The following AFP variants were observed in gnomAD, a reference collection of about 807,000 sequenced individuals.
The protein encoded by AFP is alpha-fetoprotein.
A neutral mutation model predicts 78.9 loss-of-function variants in AFP; 64 were observed. That is an observed-to-expected ratio of 0.81 (90% CI 0.66 to 1.00). The LOEUF is 1.00. AFP is among the 50% of genes least tolerant of loss of function. AFP has a pLI of 0.00. For synonymous variants in AFP, 254 were observed against 243.8 expected, an observed-to-expected ratio of 1.04 and a Z score of -0.39; for missense variants, 689 against 703.8, an observed-to-expected ratio of 0.98 and a Z score of 0.24.
intron 3 of AFP, 123 bp downstream of exon 3, chr4:73,438,429 G>A: frequency 8.8e-7 from 1 of 1,135,828 alleles, no homozygotes; most frequent in East Asian, 2.6e-5. Flanking sequence ...GTATGAAAGA[G>A]GGATTAGATT....
At position 73,440,776 on chromosome 4, in the gene AFP, G is replaced by A. The variant is rs1719637549; in HGVS notation, c.445G>A (p.Glu149Lys). ...AGTTCCAGAACCTGTCACAAGCTGT[G>A]AAGCATATGAAGAAGACAGGGAGAC... ...FQVPEPVTSC[E>K]AYEEDRETFM... is the part of the protein sequence containing the mutation. The change falls in exon 4 of 15, where the codon GAA becomes AAA. Residue 149 changes from glutamate to lysine, a missense_variant. Physicochemically the swap from Glu to Lys is moderately conservative, Grantham distance 56. Coordinates refer to ENST00000395792, the MANE Select transcript of AFP (RefSeq NM_001134.3). 6.2e-7 allele frequency: 1 copy of A among 1,614,008 alleles called. No individual in the cohort carries two copies. Among genetic ancestry groups the A allele is most frequent in the Non-Finnish European group, 8.5e-7 (1 of 1,180,014 alleles).
chr4:73,437,103 A>G, intron 1 of AFP, 57 bp from the exon 2 acceptor site: 1 of 1,281,648 alleles, frequency 7.8e-7, no homozygotes, highest in Non-Finnish European at 1.1e-6. Context: ...TGTAACAATG[A>G]TTACTTTCTT....
chr4:73,438,599 T>C (rs1719577858), intron 3 of AFP, among the ~76,000 whole-genome samples: 1 of 152,110 alleles, frequency 6.6e-6, no homozygotes, highest in South Asian at 2.1e-4. Flanking sequence ...ATCTGTAAAA[T>C]AAGGGATGAT....
intron 5 of AFP, among the ~76,000 whole-genome samples, chr4:73,442,765 A>C (rs1719706759): frequency 2.6e-5 from 3 of 117,102 alleles, no homozygotes; most frequent in Admixed American, 1.9e-4. Flanking sequence ...AGGAGAGAGA[A>C]AAAATGAAGA....
chr4:73,442,702 G>A (rs1442735401), intron 5 of AFP, among the ~76,000 whole-genome samples: 1 of 152,122 alleles, frequency 6.6e-6, no homozygotes, highest in African/African-American at 2.4e-5. Flanking sequence ...GAAAGAGAGG[G>A]TGCTATAAAT....
intron 4 of AFP, 102 bp from the exon 5 acceptor site, chr4:73,442,194 G>C: frequency 1.7e-6 from 2 of 1,159,256 alleles, no homozygotes; most frequent in Non-Finnish European, 2.5e-6. Flanking sequence ...TTTTGTTGTT[G>C]TTGTTTTTGA....
At position 73,436,350 on chromosome 4, in the gene AFP, G is replaced by T. The variant is rs750417722; in HGVS notation, c.85+3G>T. 1.3e-6 allele frequency: 2 copies of T among 1,544,680 alleles called. No individual in the cohort carries two copies. Among genetic ancestry groups the T allele is most frequent in the Non-Finnish European group, 1.8e-6 (2 of 1,129,884 alleles). ...GCATAGAAATGAATATGGAATAGGT[G>T]AGATATTTTGTGTTTTTCTTGTCTT... On this transcript the variant is annotated splice_donor_region_variant and intron_variant, in intron 1 of 14. Coordinates refer to ENST00000395792, the MANE Select transcript of AFP (RefSeq NM_001134.3).
At chr4:73,438,027 CTAATTTTACA>C in intron 2 of AFP, 137 bp from the exon 3 acceptor site, 1 of 1,169,118 alleles carries the variant, frequency 8.6e-7, no homozygotes, top group Non-Finnish European at 1.2e-6. Context: ...GACCTGGAAG[CTAATTTTACA>C]TAATTTTACA....
chr4:73,440,758 G>A lies in AFP; in HGVS notation c.427G>A (p.Glu143Lys). The A allele has an allele frequency of 6.2e-7, 1 of 1,614,116 alleles. No homozygotes were observed. Among genetic ancestry groups the A allele is most frequent in the Non-Finnish European group, 8.5e-7 (1 of 1,180,020 alleles). The change falls in exon 4 of 15, where the codon GAA becomes AAA. Residue 143 changes from glutamate (E) to lysine (K), a missense_variant. Glu to Lys is a moderately conservative substitution (Grantham distance 56, BLOSUM62 1). Coordinates refer to ENST00000395792, the MANE Select transcript of AFP (RefSeq NM_001134.3). ...ATCGATCCCACTTTTCCAAGTTCCA[G>A]AACCTGTCACAAGCTGTGAAGCATA... The part of the protein sequence containing the change: ...PASIPLFQVP[E>K]PVTSCEAYEE...
At chr4:73,437,349 G>A (rs946257199) in intron 2 of AFP, 138 bp downstream of exon 2, 1 of 684,156 alleles carries the variant, frequency 1.5e-6, no homozygotes, top group Non-Finnish European at 2.6e-6. Flanking sequence ...TACTCATACT[G>A]AATATCAACT....
chr4:73,455,444 G>T, intron 14 of AFP, 154 bp downstream of exon 14: 1 of 687,988 alleles, frequency 1.5e-6, no homozygotes, highest in South Asian at 1.7e-5. Context: ...ACAAAATTAC[G>T]CACACAATGT....
In AFP at chr4:73,447,519, G is replaced by A. The variant is rs761922000; in HGVS notation, c.901G>A (p.Glu301Lys). The A allele has an allele frequency of 1.9e-6, 3 of 1,612,252 alleles. No homozygotes were observed. In the South Asian group the frequency reaches 3.3e-5, roughly 18 times the overall value. ...AGACACTCTGTCAAACAAAATAACAGAATGCTGCAAACTGACCACGCTGGA... is the reference window on the plus strand; with the variant it reads ...AGACACTCTGTCAAACAAAATAACAAAATGCTGCAAACTGACCACGCTGGA... The part of the protein sequence containing the change: ...QQDTLSNKIT[E>K]CCKLTTLERG... The change falls in exon 8 of 15, where the codon GAA becomes AAA. Residue 301 changes from glutamate to lysine, a missense_variant. Coordinates refer to ENST00000395792, the MANE Select transcript of AFP (RefSeq NM_001134.3).
At chr4:73,452,685 T>C (rs1720039221) in intron 12 of AFP, 61 bp downstream of exon 12, 6 of 1,326,838 alleles carry the variant, frequency 4.5e-6, no homozygotes, top group African/African-American at 4.3e-5. Flanking sequence ...TAACTGAGAC[T>C]TCTACCTCGC....
At chr4:73,444,711 G>A (rs1175702284) in intron 6 of AFP, among the ~76,000 whole-genome samples, 1 of 152,082 alleles carries the variant, frequency 6.6e-6, no homozygotes, top group Non-Finnish European at 1.5e-5. Flanking sequence ...CAGCATAAGG[G>A]TTGAATGGCA....
chr4:73,452,575 A>G lies in AFP; in HGVS notation c.1603A>G (p.Lys535Glu), dbSNP rs191136122. The G allele has an allele frequency of 6.2e-7, 1 of 1,614,008 alleles. No homozygotes were observed. The highest frequency in any genetic ancestry group is 2.2e-5 in the East Asian group (1 of 44,880). ...CTCTGATGACAAGTTCATTTTCCAT[A>G]AGGATCTGTGCCAAGCTCAGGGTGT... ...AFSDDKFIFH[K>E]DLCQAQGVAL... Residue 535 changes from lysine to glutamate, a missense_variant, in exon 12 of 15, where the codon AAG (lysine) becomes GAG (glutamate). Physicochemically the swap from Lys to Glu is moderately conservative, Grantham distance 56. Transcript: ENST00000395792.
chr4:73,437,283 G>A, intron 2 of AFP, 72 bp downstream of exon 2: 4 of 1,291,640 alleles, frequency 3.1e-6, no homozygotes, highest in Non-Finnish European at 4.5e-6. Context: ...ATAAAATTGG[G>A]TACCCCTGTG....
chr4:73,454,957 T>C (rs1197173400), intron 13 of AFP, among the ~76,000 whole-genome samples: 1 of 152,158 alleles, frequency 6.6e-6, no homozygotes, highest in African/African-American at 2.4e-5. Flanking sequence ...CTGCAAACCT[T>C]TTAATTTCTA....
intron 5 of AFP, among the ~76,000 whole-genome samples, chr4:73,442,630 TTTA>T (rs988738415): frequency 2.5e-4 from 38 of 152,176 alleles, no homozygotes; most frequent in African/African-American, 8.4e-4. Context: ...CAACAATAAT[TTTA>T]TTATTAAGGA....
chr4:73,453,932 C>T, intron 13 of AFP, 35 bp downstream of exon 13: 1 of 1,612,476 alleles, frequency 6.2e-7, no homozygotes, highest in Non-Finnish European at 8.5e-7. Context: ...AAAATACTTG[C>T]TATGGAATTT....
Sources: gnomAD v4.1 joint callset for allele counts (sites outside exome capture counted in the v4.1 genomes callset) on GRCh38, gnomAD v4.1.1 for gene constraint, MANE v1.5 for transcripts, NCBI Gene and HGNC (gene_info 2026-07-23, HGNC 2026-07-21) for gene names.